The following DLG2 variants were observed in gnomAD, a reference collection of about 807,000 sequenced individuals.
DLG2 encodes the protein disks large homolog 2.
A neutral mutation model predicts 132.5 loss-of-function variants in DLG2; 45 were observed. The ratio of observed to expected loss-of-function variants is 0.34; its 90% CI spans 0.27 to 0.44. The LOEUF is 0.44. DLG2 is among the 20% of genes least tolerant of loss of function. DLG2 has a pLI of 1.00. For missense variants in DLG2, 1,045 were observed against 1,196.9 expected, an observed-to-expected ratio of 0.87 and a Z score of 1.87; for synonymous variants, 424 against 419.6, an observed-to-expected ratio of 1.01 and a Z score of -0.13.
chr11:84,351,926 A>C (rs2098576840), intron 7 of DLG2, among the ~76,000 whole-genome samples: 1 of 152,212 alleles, frequency 6.6e-6, no homozygotes, highest in African/African-American at 2.4e-5. Flanking sequence ...TTGGCCAAGA[A>C]GATTCCTGGG....
At chr11:83,817,805 G>C (rs1166937378) in intron 17 of DLG2, among the ~76,000 whole-genome samples, 1 of 152,156 alleles carries the variant, frequency 6.6e-6, no homozygotes, top group Non-Finnish European at 1.5e-5. Flanking sequence ...GAGCCCAGGA[G>C]CTCAAAGGTT....
chr11:84,696,768 G>T (rs1178952808), intron 6 of DLG2, among the ~76,000 whole-genome samples: 12 of 151,430 alleles, frequency 7.9e-5, no homozygotes. Flanking sequence ...TACATATGGA[G>T]GAAGAAGTGA....
At chr11:85,348,161 C>T (rs1471777971) in intron 3 of DLG2, among the ~76,000 whole-genome samples, 4 of 150,008 alleles carry the variant, frequency 2.7e-5, no homozygotes. Flanking sequence ...AATTTTTGTA[C>T]TTTTTAGTAG....
rs145284405 is a variant in DLG2 at position 84,242,993 on chromosome 11, T to TTCTCTCTCTCTCTCTCTCTCTCTCTC, written c.573+8244_573+8245insGAGAGAGAGAGAGAGAGAGAGAGAGA. 3.2e-5 allele frequency among the ~76,000 whole-genome samples: 4 copies of TTCTCTCTCTCTCTCTCTCTCTCTCTC among 125,096 alleles called. No homozygotes were observed. In the East Asian group the frequency reaches 7.5e-4, roughly 23 times the overall value. The allele number at this position is 125,096 out of a possible 152,430, so 82.1% of individuals were successfully genotyped here. The stretch of plus-strand genomic sequence containing the variant: ...AGGATAGTTTTGATGATTAATTAGG[T>TTCTCTCTCTCTCTCTCTCTCTCTCTC]TCTCTCTCTCTCTCTCTCTCTCTCT... On this transcript the variant is annotated intron_variant, in intron 8 of 27. Transcript: ENST00000376104.
At chr11:84,133,942 A>C (rs544824180) in intron 9 of DLG2, among the ~76,000 whole-genome samples, 1 of 152,078 alleles carries the variant, frequency 6.6e-6, no homozygotes, top group South Asian at 2.1e-4. Flanking sequence ...AAATCCGTAA[A>C]AATGATAGTG....
intron 6 of DLG2, among the ~76,000 whole-genome samples, chr11:85,006,917 T>C (rs950534509): frequency 6.6e-6 from 1 of 152,118 alleles, no homozygotes; most frequent in African/African-American, 2.4e-5. Context: ...ACAATAAGTA[T>C]AGAATCTTAG....
At chr11:85,481,467 A>G (rs1230533036) in intron 3 of DLG2, among the ~76,000 whole-genome samples, 1 of 152,182 alleles carries the variant, frequency 6.6e-6, no homozygotes, top group Non-Finnish European at 1.5e-5. Flanking sequence ...ACAGCTTTAC[A>G]TTACCCATTT....
intron 21 of DLG2, among the ~76,000 whole-genome samples, chr11:83,500,543 T>C (rs2094408145): frequency 6.6e-6 from 1 of 152,178 alleles, no homozygotes; most frequent in South Asian, 2.1e-4. Context: ...GTGTGGTCAC[T>C]GGGTCATAGG....
At chr11:85,119,876 T>C (rs2074095750) in intron 5 of DLG2, among the ~76,000 whole-genome samples, 1 of 152,106 alleles carries the variant, frequency 6.6e-6, no homozygotes, top group Non-Finnish European at 1.5e-5. Context: ...TAATTCTTCC[T>C]GAAATTTATA....
At chr11:85,173,033 G>C (rs1188768063) in intron 4 of DLG2, among the ~76,000 whole-genome samples, 1 of 152,178 alleles carries the variant, frequency 6.6e-6, no homozygotes, top group Non-Finnish European at 1.5e-5. Flanking sequence ...ATGGAACTAA[G>C]TTGGAAAACA....
At chr11:83,619,668 G>A (rs2061344760) in intron 19 of DLG2, among the ~76,000 whole-genome samples, 1 of 152,038 alleles carries the variant, frequency 6.6e-6, no homozygotes, top group African/African-American at 2.4e-5. Flanking sequence ...TTGTGGAGGT[G>A]GAAGTATCAT....
At chr11:83,910,762 A>G (rs1029460593) in intron 15 of DLG2, among the ~76,000 whole-genome samples, 3 of 152,160 alleles carry the variant, frequency 2.0e-5, no homozygotes, top group African/African-American at 7.2e-5. Flanking sequence ...TCATACAGGT[A>G]CTTTGAGAAG....
At position 84,250,715 on chromosome 11, in the gene DLG2, C is replaced by T. The variant is rs1598373005; in HGVS notation, c.573+523G>A. Reference sequence around the variant, plus strand: ...GTTACAGGTACAGAATCCTAGGCTTCATTGGTTTGCTTGATCCTATTATCT... The same window carrying T: ...GTTACAGGTACAGAATCCTAGGCTTTATTGGTTTGCTTGATCCTATTATCT... On this transcript the variant is annotated intron_variant, in intron 8 of 27. Coordinates refer to ENST00000376104, the MANE Select transcript of DLG2 (RefSeq NM_001142699.3). Among the ~76,000 whole-genome samples, 3 of 152,198 alleles carry T rather than the reference C, an allele frequency of 2.0e-5. No homozygotes were observed. In the East Asian group the frequency reaches 5.8e-4, roughly 29 times the overall value.
chr11:83,629,202 G>GT (rs1400351591), intron 19 of DLG2, among the ~76,000 whole-genome samples: 5 of 152,078 alleles, frequency 3.3e-5, no homozygotes, highest in African/African-American at 9.7e-5. Context: ...GCAGACATAA[G>GT]TTTTTTGCAG....
intron 3 of DLG2, among the ~76,000 whole-genome samples, chr11:85,593,969 C>A (rs1178237829): frequency 6.6e-6 from 1 of 152,072 alleles, no homozygotes; most frequent in Non-Finnish European, 1.5e-5. Flanking sequence ...TTGCATAGCA[C>A]AATGTCCAAC....
intron 3 of DLG2, among the ~76,000 whole-genome samples, chr11:85,475,348 A>T (rs1275008223): frequency 6.6e-6 from 1 of 151,988 alleles, no homozygotes; most frequent in African/African-American, 2.4e-5. Context: ...AAAATAGAAA[A>T]AAAATTAAAT....
At chr11:85,611,796 G>T (rs761455863) in intron 2 of DLG2, among the ~76,000 whole-genome samples, 1 of 152,214 alleles carries the variant, frequency 6.6e-6, no homozygotes, top group Non-Finnish European at 1.5e-5. Context: ...GGAAATCATG[G>T]AGTTATTGCA....
At chr11:83,653,605 A>T (rs529225285) in intron 18 of DLG2, among the ~76,000 whole-genome samples, 1 of 152,324 alleles carries the variant, frequency 6.6e-6, no homozygotes, top group East Asian at 1.9e-4. Context: ...CATCTCCATC[A>T]CAGGAAGAAT....
chr11:83,760,022 T>C (rs958622589), intron 18 of DLG2, among the ~76,000 whole-genome samples: 22 of 152,200 alleles, frequency 1.4e-4, no homozygotes, highest in Admixed American at 1.4e-3. Flanking sequence ...AGAGAGGACA[T>C]ACTAACTTTC....
Sources: allele counts gnomAD v4.1 joint callset (sites outside exome capture counted in the v4.1 genomes callset), GRCh38; gene constraint gnomAD v4.1.1; transcripts MANE v1.5; gene names NCBI Gene and HGNC (gene_info 2026-07-23, HGNC 2026-07-21).